The following PRDM5 variants were observed in gnomAD, a reference collection of about 807,000 sequenced individuals.
PRDM5 encodes the protein PR domain zinc finger protein 5.
In PRDM5, 56 loss-of-function variants were observed where a neutral mutation model predicts 81.2. That is an observed-to-expected ratio of 0.69 (90% CI 0.56 to 0.86). PRDM5 has a LOEUF of 0.86. PRDM5 is among the 40% of genes least tolerant of loss of function. The pLI, the probability that PRDM5 is intolerant of heterozygous loss-of-function variation, is 0.00. For missense variants in PRDM5, 697 were observed against 770.1 expected (o/e 0.91, Z 1.12); for synonymous variants, 267 against 256.4 (o/e 1.04, Z -0.39).
In PRDM5 at chr4:120,811,445, A is replaced by G. The variant is rs772622444; in HGVS notation, c.870T>C (p.Asp290=). 6.4e-7 allele frequency: 1 copy of G among 1,571,030 alleles called. No homozygotes were observed. The highest frequency in any genetic ancestry group is 2.3e-5 in the East Asian group (1 of 44,300). The part of the protein sequence containing the change: ...KRHQENVHTG[D]PKKKLICSVC... ...CTGAACATATAAGCTTTTTCTTAGG[A>G]TCTCCTAAAATAGAAATAAAATACC... is the stretch of plus-strand genomic sequence containing the variant. Residue 290 remains aspartate (D), a synonymous_variant, in exon 8 of 16, where the codon GAT becomes GAC. Transcript: ENST00000264808.
At chr4:120,817,822 C>T (rs1255553016) in intron 5 of PRDM5, among the ~76,000 whole-genome samples, 1 of 152,104 alleles carries the variant, frequency 6.6e-6, no homozygotes, top group Non-Finnish European at 1.5e-5. Flanking sequence ...TGTGTGGGAT[C>T]ATCTAATTAA....
chr4:120,880,074 A>G (rs916249284), intron 2 of PRDM5, among the ~76,000 whole-genome samples: 3 of 152,160 alleles, frequency 2.0e-5, no homozygotes, highest in African/African-American at 7.2e-5. Context: ...GTACTGCACT[A>G]ATGTAAGATG....
At chr4:120,718,689 A>T (rs201776533) in intron 14 of PRDM5, among the ~76,000 whole-genome samples, 7,847 of 152,302 alleles carry the variant, frequency 0.052, 272 homozygotes, top group East Asian at 0.1. Flanking sequence ...TATTTAAAAA[A>T]ATCCATGAGG....
intron 8 of PRDM5, among the ~76,000 whole-genome samples, chr4:120,808,896 C>CA (rs1210442962): frequency 6.6e-6 from 1 of 152,212 alleles, no homozygotes; most frequent in Non-Finnish European, 1.5e-5. Flanking sequence ...ACCTGGAACT[C>CA]ACGCTGGCCC....
chr4:120,773,868 C>T (rs1747665453), intron 13 of PRDM5, among the ~76,000 whole-genome samples: 2 of 152,184 alleles, frequency 1.3e-5, no homozygotes, highest in Non-Finnish European at 2.9e-5. Context: ...CAGCTGTCTC[C>T]TCTTAAACCA....
intron 2 of PRDM5, among the ~76,000 whole-genome samples, chr4:120,886,420 G>A (rs1379973604): frequency 3.3e-5 from 5 of 152,084 alleles, no homozygotes; most frequent in African/African-American, 1.2e-4. Context: ...TAACTGCAAA[G>A]AATGAGAAAA....
At chr4:120,703,305 C>T (rs555083322) in intron 15 of PRDM5, among the ~76,000 whole-genome samples, 1 of 152,262 alleles carries the variant, frequency 6.6e-6, no homozygotes, top group East Asian at 1.9e-4. Flanking sequence ...CCCACCTCAG[C>T]CTTCTGAATA....
chr4:120,836,026 AC>A (rs1209461227), intron 3 of PRDM5, among the ~76,000 whole-genome samples: 1 of 152,144 alleles, frequency 6.6e-6, no homozygotes, highest in Admixed American at 6.6e-5. Flanking sequence ...GGAAGCAGAA[AC>A]CAGGTTAGTG....
chr4:120,895,254 A>AT (rs1198272766), intron 2 of PRDM5, among the ~76,000 whole-genome samples: 1 of 152,158 alleles, frequency 6.6e-6, no homozygotes, highest in Non-Finnish European at 1.5e-5. Context: ...CTACATTCAC[A>AT]TTTTTTTAAG....
chr4:120,897,441 C>A (rs954360524), intron 2 of PRDM5, among the ~76,000 whole-genome samples: 4 of 151,986 alleles, frequency 2.6e-5, no homozygotes, highest in Non-Finnish European at 5.9e-5. Flanking sequence ...GTAGGTGTAA[C>A]CGTCTTTCTA....
At chr4:120,909,924 C>A (rs1353077775) in intron 1 of PRDM5, among the ~76,000 whole-genome samples, 2 of 152,052 alleles carry the variant, frequency 1.3e-5, no homozygotes, top group Non-Finnish European at 2.9e-5. Context: ...CTCAACTTAG[C>A]ACATTCACAC....
intron 2 of PRDM5, among the ~76,000 whole-genome samples, chr4:120,880,554 A>T (rs343193): frequency 0.1 from 15,794 of 152,148 alleles, 1,576 homozygotes; most frequent in African/African-American, 0.26. Context: ...TATTAATGAG[A>T]CATTTTACCT....
chr4:120,894,850 T>G (rs891837348), intron 2 of PRDM5, among the ~76,000 whole-genome samples: 1 of 152,188 alleles, frequency 6.6e-6, no homozygotes, highest in African/African-American at 2.4e-5. Context: ...TTTAAAAATA[T>G]AAGTTCAACT....
intron 7 of PRDM5, among the ~76,000 whole-genome samples, chr4:120,811,982 T>C (rs904743369): frequency 6.6e-6 from 1 of 152,134 alleles, no homozygotes; most frequent in African/African-American, 2.4e-5. Context: ...ATTATAACTA[T>C]ATTTTTACAC....
At chr4:120,744,291 A>G (rs1742619970) in intron 14 of PRDM5, among the ~76,000 whole-genome samples, 1 of 152,142 alleles carries the variant, frequency 6.6e-6, no homozygotes, top group Admixed American at 6.6e-5. Flanking sequence ...GTGTGTAGAG[A>G]GAAATTTATA....
chr4:120,753,639 G>A (rs1744311066), intron 14 of PRDM5, among the ~76,000 whole-genome samples: 1 of 151,844 alleles, frequency 6.6e-6, no homozygotes, highest in African/African-American at 2.4e-5. Context: ...AAGGTAAAAA[G>A]TAAAATCCAG....
chr4:120,800,805 C>T (rs1752022904), intron 8 of PRDM5, among the ~76,000 whole-genome samples: 1 of 152,018 alleles, frequency 6.6e-6, no homozygotes, highest in Non-Finnish European at 1.5e-5. Context: ...TATCTCATCA[C>T]ATTATGTTGT....
At chr4:120,691,658 T>C (rs1734059433), downstream of PRDM5, among the ~76,000 whole-genome samples, 1 of 152,124 alleles carries the variant, frequency 6.6e-6, no homozygotes, top group Non-Finnish European at 1.5e-5. Flanking sequence ...TTTCACATTG[T>C]TCTTTGTATA....
At chr4:120,706,687 C>T (rs17345994) in intron 15 of PRDM5, among the ~76,000 whole-genome samples, 32,685 of 92,962 alleles carry the variant, frequency 0.35, 3,871 homozygotes, top group Non-Finnish European at 0.39. Flanking sequence ...TGATGAGTAA[C>T]GTGTCATTTG....
Sources: allele counts gnomAD v4.1 joint callset (sites outside exome capture counted in the v4.1 genomes callset), GRCh38; gene constraint gnomAD v4.1.1; transcripts MANE v1.5; gene names NCBI Gene and HGNC (gene_info 2026-07-23, HGNC 2026-07-21).